The following VAV3 variants were observed in gnomAD, a reference collection of about 807,000 sequenced individuals.
The protein encoded by VAV3 is vav guanine nucleotide exchange factor 3.
In VAV3, 94 loss-of-function variants were observed where a neutral mutation model predicts 131.2. The observed-to-expected ratio is 0.72, with a 90% CI of 0.61 to 0.85. VAV3 has a LOEUF of 0.85. Among genes scored for constraint, VAV3 ranks in the 40% least tolerant of loss-of-function variants. The probability of loss-of-function intolerance (pLI) is 0.00; values close to 1 mark genes in which losing one functional copy is unlikely to be tolerated. For missense variants in VAV3, 939 were observed against 1,002.7 expected, an observed-to-expected ratio of 0.94 and a Z score of 0.86; for synonymous variants, 349 against 342.0, an observed-to-expected ratio of 1.02 and a Z score of -0.22.
intron 2 of VAV3, among the ~76,000 whole-genome samples, chr1:107,864,497 C>T (rs1351763371): frequency 6.6e-6 from 1 of 152,218 alleles, no homozygotes; most frequent in Non-Finnish European, 1.5e-5. Flanking sequence ...GTGGCATGCA[C>T]CTGTAGTCCC....
intron 15 of VAV3, among the ~76,000 whole-genome samples, chr1:107,723,676 C>A (rs191707410): frequency 4.0e-4 from 61 of 152,260 alleles, no homozygotes; most frequent in Admixed American, 7.2e-4. Flanking sequence ...TGCGCTAGTA[C>A]CATTAAGTAC....
rs533520094 is a variant in VAV3, at chr1:107,935,142, GTCT to G, written c.204+29521_204+29523del. Among the ~76,000 whole-genome samples, 173 of 152,234 alleles carry G rather than the reference GTCT, an allele frequency of 1.1e-3. 1 individual carries two copies. The highest frequency in any genetic ancestry group is 3.0e-3 in the African/African-American group (124 of 41,534). On this transcript the variant is annotated intron_variant, in intron 1 of 26. Coordinates refer to ENST00000370056, the MANE Select transcript of VAV3 (RefSeq NM_006113.5). The stretch of plus-strand genomic sequence containing the variant: ...TCTACTTTCAACATAAATTCCTAAG[GTCT>G]TCTCCATTTGGGGGCAATTACAGCT...
At chr1:107,711,909 C>T (rs1388100239) in intron 15 of VAV3, among the ~76,000 whole-genome samples, 3 of 152,102 alleles carry the variant, frequency 2.0e-5, no homozygotes, top group Non-Finnish European at 4.4e-5. Context: ...TGGTCTCAAA[C>T]TCCTGACCTC....
intron 19 of VAV3, among the ~76,000 whole-genome samples, chr1:107,650,460 G>T (rs1656069433): frequency 6.6e-6 from 1 of 151,676 alleles, no homozygotes; most frequent in Admixed American, 6.6e-5. Context: ...AAATGTTTAT[G>T]TACCCCCAAA....
At chr1:107,731,665 T>C (rs946246170) in intron 15 of VAV3, among the ~76,000 whole-genome samples, 2 of 152,162 alleles carry the variant, frequency 1.3e-5, no homozygotes, top group South Asian at 4.1e-4. Flanking sequence ...CAGTGAAAGC[T>C]AACCAAAGAT....
chr1:107,929,515 T>C (rs186960972), intron 1 of VAV3, among the ~76,000 whole-genome samples: 48 of 152,170 alleles, frequency 3.2e-4, no homozygotes, highest in African/African-American at 1.2e-3. Flanking sequence ...TAATAGTAAG[T>C]ACGCAGAAAA....
At chr1:107,685,947 AC>A (rs1203537417) in intron 18 of VAV3, 1 of 138,596 alleles carries the variant, frequency 7.2e-6, no homozygotes, top group African/African-American at 2.7e-5. Context: ...GCTCTCAGTT[AC>A]AGCTTCACAC....
At chr1:107,929,724 CTTGT>C (rs1021543338) in intron 1 of VAV3, among the ~76,000 whole-genome samples, 5 of 151,986 alleles carry the variant, frequency 3.3e-5, no homozygotes, top group African/African-American at 7.3e-5. Context: ...TTTCTTTTTG[CTTGT>C]TTGTTTGCTT....
At chr1:107,833,491 G>A (rs528717437) in intron 2 of VAV3, among the ~76,000 whole-genome samples, 3 of 152,156 alleles carry the variant, frequency 2.0e-5, no homozygotes, top group Non-Finnish European at 2.9e-5. Flanking sequence ...ATATTATCAC[G>A]TATTTGTTCA....
At chr1:107,916,216 A>G (rs1557921535) in intron 1 of VAV3, among the ~76,000 whole-genome samples, 1 of 152,206 alleles carries the variant, frequency 6.6e-6, no homozygotes, top group Non-Finnish European at 1.5e-5. Context: ...GAAGAAAAAA[A>G]CTTCCTGGTA....
intron 2 of VAV3, among the ~76,000 whole-genome samples, chr1:107,819,649 A>G (rs1667709893): frequency 6.6e-6 from 1 of 152,186 alleles, no homozygotes; most frequent in Non-Finnish European, 1.5e-5. Flanking sequence ...AAACCTTTAA[A>G]TGGAAAAATT....
intron 1 of VAV3, among the ~76,000 whole-genome samples, chr1:107,884,660 G>C (rs1198523490): frequency 2.0e-5 from 3 of 151,578 alleles, no homozygotes; most frequent in Middle Eastern, 6.8e-3. Flanking sequence ...ATGTTTCCCA[G>C]TCTGGTCTTG....
chr1:107,757,894 A>G (rs1664203490), intron 10 of VAV3, among the ~76,000 whole-genome samples: 1 of 152,084 alleles, frequency 6.6e-6, no homozygotes, highest in Non-Finnish European at 1.5e-5. Context: ...AAATTCTATC[A>G]CAACCACTGT....
chr1:107,665,259 T>C (rs574015912), intron 19 of VAV3, among the ~76,000 whole-genome samples: 3 of 151,982 alleles, frequency 2.0e-5, no homozygotes, highest in Admixed American at 6.5e-5. Flanking sequence ...TGGGAAAATA[T>C]GGGGGTTGAG....
intron 1 of VAV3, among the ~76,000 whole-genome samples, chr1:107,960,482 G>A (rs113274937): frequency 6.6e-6 from 1 of 151,418 alleles, no homozygotes; most frequent in Non-Finnish European, 1.5e-5. Context: ...AAAAAGAAAA[G>A]AAAAGAAAGG....
intron 14 of VAV3, 140 bp from the exon 15 acceptor site, chr1:107,749,217 C>G: frequency 1.2e-6 from 1 of 821,912 alleles, no homozygotes; most frequent in Non-Finnish European, 1.9e-6. Context: ...TTGTAGTCAA[C>G]TTCATATCTA....
At chr1:107,650,011 T>C (rs968577693) in intron 19 of VAV3, among the ~76,000 whole-genome samples, 7 of 151,942 alleles carry the variant, frequency 4.6e-5, no homozygotes, top group Non-Finnish European at 7.4e-5. Context: ...GATGCTTTAT[T>C]TAAGGGTAGG....
intron 1 of VAV3, 114 bp downstream of exon 1, chr1:107,964,552 G>T: frequency 8.3e-7 from 1 of 1,210,068 alleles, no homozygotes. Context: ...GCAGAAGGCT[G>T]GGAAGCAGGG....
intron 15 of VAV3, among the ~76,000 whole-genome samples, chr1:107,742,186 G>A (rs926377368): frequency 3.3e-5 from 5 of 152,070 alleles, no homozygotes; most frequent in African/African-American, 4.8e-5. Flanking sequence ...CCTCCAAAGG[G>A]CTGTTGTAAT....
Sources: allele counts gnomAD v4.1 joint callset (sites outside exome capture counted in the v4.1 genomes callset), GRCh38; gene constraint gnomAD v4.1.1; transcripts MANE v1.5; gene names NCBI Gene and HGNC (gene_info 2026-07-23, HGNC 2026-07-21).